The following EFNA5 variants were observed in gnomAD, a reference collection of about 807,000 sequenced individuals.
EFNA5 encodes ephrin A5, also known as ephrin-A5.
A neutral mutation model predicts 22.9 loss-of-function variants in EFNA5; 5 were observed. The observed-to-expected ratio is 0.22, with a 90% CI of 0.11 to 0.46. The LOEUF is 0.46. EFNA5 is among the 20% of genes least tolerant of loss of function. EFNA5 has a pLI of 0.99. For synonymous variants in EFNA5, 113 were observed against 112.2 expected, an observed-to-expected ratio of 1.01 and a Z score of -0.04; for missense variants, 237 against 293.3, an observed-to-expected ratio of 0.81 and a Z score of 1.40.
intron 1 of EFNA5, among the ~76,000 whole-genome samples, chr5:107,636,118 A>G (rs1185442748): frequency 1.3e-5 from 2 of 152,232 alleles, no homozygotes; most frequent in Non-Finnish European, 2.9e-5. Context: ...GTTCTTAACT[A>G]ATGCTAGTAA....
chr5:107,634,132 G>T (rs546968677), intron 1 of EFNA5, among the ~76,000 whole-genome samples: 1 of 152,278 alleles, frequency 6.6e-6, no homozygotes, highest in East Asian at 1.9e-4. Flanking sequence ...GAGGTGACCG[G>T]TCTAACCCCC....
intron 1 of EFNA5, among the ~76,000 whole-genome samples, chr5:107,432,160 G>A (rs1046249851): frequency 6.6e-6 from 1 of 152,202 alleles, no homozygotes; most frequent in African/African-American, 2.4e-5. Context: ...GCTGAGGGGT[G>A]TGTCAACATT....
At chr5:107,571,150 G>C (rs936204424) in intron 1 of EFNA5, among the ~76,000 whole-genome samples, 6 of 152,184 alleles carry the variant, frequency 3.9e-5, no homozygotes, top group African/African-American at 1.4e-4. Context: ...TGGGGGAAGA[G>C]GGCTTAGGGG....
At chr5:107,642,907 A>C (rs1392975145) in intron 1 of EFNA5, among the ~76,000 whole-genome samples, 1 of 150,256 alleles carries the variant, frequency 6.7e-6, no homozygotes, top group Non-Finnish European at 1.5e-5. Flanking sequence ...TGTCATCTAA[A>C]ATGTCATTTT....
intron 1 of EFNA5, among the ~76,000 whole-genome samples, chr5:107,526,450 CA>C (rs1485527008): frequency 6.6e-6 from 1 of 152,216 alleles, no homozygotes; most frequent in African/African-American, 2.4e-5. Flanking sequence ...CTCACTCTGA[CA>C]GGAGAAAGCA....
chr5:107,461,589 T>G (rs2112456322), intron 1 of EFNA5, among the ~76,000 whole-genome samples: 1 of 152,216 alleles, frequency 6.6e-6, no homozygotes, highest in East Asian at 1.9e-4. Flanking sequence ...AAACCAGCAC[T>G]CAACTAAATG....
intron 1 of EFNA5, among the ~76,000 whole-genome samples, chr5:107,548,735 A>G (rs1748223737): frequency 6.6e-6 from 1 of 152,194 alleles, no homozygotes. Flanking sequence ...AAAATGTGAA[A>G]CCACCTGTCA....
chr5:107,503,357 T>C (rs141015667), intron 1 of EFNA5, among the ~76,000 whole-genome samples: 36 of 152,322 alleles, frequency 2.4e-4, no homozygotes, highest in African/African-American at 8.4e-4. Context: ...CCTACTTTCA[T>C]TAGCAGTTTT....
chr5:107,617,243 G>GAGAGAGAGAGAGAGAA (rs1561450665), intron 1 of EFNA5, among the ~76,000 whole-genome samples: 1 of 146,298 alleles, frequency 6.8e-6, no homozygotes. Flanking sequence ...CACACAGAGA[G>GAGAGAGAGAGAGAGAA]AGAGAGAGAG....
Position 107,377,504 on chromosome 5 carries a change from G to A in EFNA5, c.*3751C>T, listed in dbSNP as rs1466536741. Reference sequence around the variant, plus strand: ...CAACTCTGAGAGCAATGAATGGAAAGGAGGAGTTGAAAACTGTTTTTCTAA... The same window carrying A: ...CAACTCTGAGAGCAATGAATGGAAAAGAGGAGTTGAAAACTGTTTTTCTAA... On this transcript the variant is annotated 3_prime_UTR_variant, in exon 5 of 5. Coordinates refer to ENST00000333274, the MANE Select transcript of EFNA5 (RefSeq NM_001962.3). 1.3e-5 allele frequency: 2 copies of A among 152,182 alleles called. No individual in the cohort carries two copies. Among genetic ancestry groups the A allele is most frequent in the Admixed American group, 6.5e-5 (1 of 15,284 alleles). 9.4% of individuals were successfully genotyped at this position (152,182 alleles called of 1,614,324 possible). A position where few individuals can be genotyped will look rare whatever the true frequency, so the allele number is the denominator to read the frequency against.
intron 1 of EFNA5, among the ~76,000 whole-genome samples, chr5:107,449,823 T>C (rs181225600): frequency 6.6e-6 from 1 of 152,332 alleles, no homozygotes; most frequent in East Asian, 1.9e-4. Flanking sequence ...AAGTAAACTT[T>C]TCCTCTTCCA....
At chr5:107,414,239 G>A (rs72785829) in intron 2 of EFNA5, among the ~76,000 whole-genome samples, 31,130 of 151,984 alleles carry the variant, frequency 0.2, 3,339 homozygotes, top group South Asian at 0.33. Flanking sequence ...ACGAAATTTG[G>A]GATAGCGTCT....
chr5:107,526,970 CAT>C (rs1483892760), intron 1 of EFNA5, among the ~76,000 whole-genome samples: 1 of 152,178 alleles, frequency 6.6e-6, no homozygotes, highest in South Asian at 2.1e-4. Context: ...ATAGGTACCA[CAT>C]GTTTTGATAC....
At chr5:107,420,548 AAAAAAGAAAAAAAAC>A (rs1417569979) in intron 2 of EFNA5, among the ~76,000 whole-genome samples, 1 of 105,008 alleles carries the variant, frequency 9.5e-6, no homozygotes, top group Non-Finnish European at 2.2e-5. Context: ...AAAGAAAAAA[AAAAAAGAAAAAAAAC>A]ACACGCAAAC....
At chr5:107,501,001 C>A (rs1425675528) in intron 1 of EFNA5, among the ~76,000 whole-genome samples, 2 of 152,146 alleles carry the variant, frequency 1.3e-5, no homozygotes, top group Non-Finnish European at 2.9e-5. Context: ...CAGCTCCTAA[C>A]TCTTACTATT....
At chr5:107,646,535 G>A (rs1387033158) in intron 1 of EFNA5, among the ~76,000 whole-genome samples, 2 of 151,986 alleles carry the variant, frequency 1.3e-5, no homozygotes, top group African/African-American at 4.8e-5. Flanking sequence ...TATTACTGAG[G>A]GATAGTAAAG....
At chr5:107,423,170 C>T (rs935986460) in intron 2 of EFNA5, among the ~76,000 whole-genome samples, 2 of 152,156 alleles carry the variant, frequency 1.3e-5, no homozygotes, top group African/African-American at 2.4e-5. Flanking sequence ...ATGATTCTCT[C>T]AAGATCATAC....
chr5:107,487,355 CT>C (rs752382402), intron 1 of EFNA5, among the ~76,000 whole-genome samples: 1 of 152,190 alleles, frequency 6.6e-6, no homozygotes, highest in African/African-American at 2.4e-5. Context: ...TCCTTAAAAA[CT>C]TTGTTTAATC....
At chr5:107,383,149 T>C (rs532718630) in intron 4 of EFNA5, among the ~76,000 whole-genome samples, 1 of 152,270 alleles carries the variant, frequency 6.6e-6, no homozygotes, top group African/African-American at 2.4e-5. Flanking sequence ...CCTGGAGTGC[T>C]CTTACCATTT....
Sources: gnomAD v4.1 joint callset for allele counts (sites outside exome capture counted in the v4.1 genomes callset) on GRCh38, gnomAD v4.1.1 for gene constraint, MANE v1.5 for transcripts, NCBI Gene and HGNC (gene_info 2026-07-23, HGNC 2026-07-21) for gene names.